Variants in PDZD2 observed in about 807,000 individuals in gnomAD.
The protein encoded by PDZD2 is PDZ domain containing 2.
Under a neutral mutation model 220.7 loss-of-function variants are expected in PDZD2, and 90 were observed. The ratio of observed to expected loss-of-function variants is 0.41; its 90% CI spans 0.34 to 0.49. The LOEUF is 0.49. Ranked by LOEUF, PDZD2 falls within the 20% of genes least tolerant of loss-of-function variation. The pLI is 0.28. For synonymous variants in PDZD2, 1,375 were observed against 1,450.5 expected (o/e 0.95, Z 1.18); for missense variants, 3,174 against 3,608.5 (o/e 0.88, Z 3.08).
Position 32,069,562 on chromosome 5 carries a change from A to G in PDZD2, c.2452-7A>G. The G allele has an allele frequency of 6.5e-7, 1 of 1,545,108 alleles. No individual in the cohort carries two copies. Among genetic ancestry groups the G allele is most frequent in the Non-Finnish European group, 9.0e-7 (1 of 1,117,206 alleles). ...CCATCTAATCTTTGCTTTCTGCTGA[A>G]AATCAGGTTTCCGAGCAGGAAATGG... On this transcript the variant is annotated splice_region_variant and splice_polypyrimidine_tract_variant and intron_variant, in intron 14 of 24. Transcript: ENST00000438447.
chr5:31,799,531 G>T lies in PDZD2; in HGVS notation c.283G>T (p.Asp95Tyr), dbSNP rs1354812807. The T allele has an allele frequency of 1.2e-6, 2 of 1,614,154 alleles. No individual in the cohort carries two copies. The highest frequency in any genetic ancestry group is 1.7e-5 in the Admixed American group (1 of 60,030). Reference sequence around the variant, plus strand: ...TTTTGGGAACATCCCTGTTTTCGGGGACTATGGTGAAAAGCGCAGGGGGGG... The same window carrying T: ...TTTTGGGAACATCCCTGTTTTCGGGTACTATGGTGAAAAGCGCAGGGGGGG... ...LSFGNIPVFG[D>Y]YGEKRRGGKK... The change falls in exon 2 of 25, where the codon GAC (aspartate) becomes TAC (tyrosine). Residue 95 changes from aspartate to tyrosine, a missense_variant. Around this residue, in one of 4 missense-constraint regions of PDZD2, gnomAD observed 632 missense variants for 708.1 expected, o/e 0.89. Coordinates refer to ENST00000438447, the MANE Select transcript of PDZD2 (RefSeq NM_178140.4).
At chr5:32,095,024 A>G (rs1458368844) in intron 21 of PDZD2, among the ~76,000 whole-genome samples, 1 of 152,258 alleles carries the variant, frequency 6.6e-6, no homozygotes, top group African/African-American at 2.4e-5. Flanking sequence ...ACCACCAGTC[A>G]AGGGGGCACA....
rs1044111741 is a variant in PDZD2 at position 31,646,322 on chromosome 5, G to A, written c.-361+6885G>A. On this transcript the variant is annotated intron_variant, in intron 1 of 24. Coordinates refer to ENST00000438447, the MANE Select transcript of PDZD2 (RefSeq NM_178140.4). This position sits in a 1 kb window ranked among gnomAD's most constrained non-coding sequence, Gnocchi z 4.7. Reference sequence around the variant, plus strand: ...GGTACAAGTTTGAACACCTAGTAATGCCCCTTACCCCTGAGGAATTCCAGG... The same window carrying A: ...GGTACAAGTTTGAACACCTAGTAATACCCCTTACCCCTGAGGAATTCCAGG... Among the ~76,000 whole-genome samples the A allele has an allele frequency of 1.3e-5, 2 of 151,988 alleles. No individual in the cohort carries two copies. The highest frequency in any genetic ancestry group is 2.4e-5 in the African/African-American group (1 of 41,358).
rs1361577032 is a variant in PDZD2, at chr5:31,929,040, A to G, written c.477-54115A>G. ...CAATGAATATTGATCCATACTTGCAATGAAATAAGTACCAGAAACAAACTG... is the reference window on the plus strand; with the variant it reads ...CAATGAATATTGATCCATACTTGCAGTGAAATAAGTACCAGAAACAAACTG... On this transcript the variant is annotated intron_variant, in intron 2 of 24. Coordinates refer to ENST00000438447, the MANE Select transcript of PDZD2 (RefSeq NM_178140.4). 2.6e-5 allele frequency among the ~76,000 whole-genome samples: 4 copies of G among 152,280 alleles called. No individual in the cohort carries two copies. In the East Asian group the frequency reaches 5.8e-4, roughly 22 times the overall value.
rs1020346142 is a variant in PDZD2 at position 31,768,289 on chromosome 5, A to G, written c.-360-30600A>G. ...CACTCCAGCCATCAGCCCAAGGGAC[A>G]GGGCGATATTCTGGATGCTGCAGTG... On this transcript the variant is annotated intron_variant, in intron 1 of 24. Coordinates refer to ENST00000438447, the MANE Select transcript of PDZD2 (RefSeq NM_178140.4). Among the ~76,000 whole-genome samples, 6 of 152,222 alleles carry G rather than the reference A, an allele frequency of 3.9e-5. No individual in the cohort carries two copies. The East Asian group carries it at 9.6e-4, about 24-fold the overall frequency.
intron 2 of PDZD2, among the ~76,000 whole-genome samples, chr5:31,889,219 A>G (rs529227108): frequency 6.6e-6 from 1 of 152,290 alleles, no homozygotes; most frequent in East Asian, 1.9e-4. Flanking sequence ...AAGTATTTAC[A>G]TTGGAGCCGT....
At chr5:31,850,243 T>TATATATATATATATATACAC (rs577432352) in intron 2 of PDZD2, among the ~76,000 whole-genome samples, 3 of 122,234 alleles carry the variant, frequency 2.5e-5, no homozygotes, top group African/African-American at 9.0e-5. Context: ...TATATATATA[T>TATATATATATATATATACAC]ACACACACAC....
chr5:31,727,701 CAAA>C (rs56763561), intron 1 of PDZD2, among the ~76,000 whole-genome samples: 25 of 90,492 alleles, frequency 2.8e-4, no homozygotes, highest in Admixed American at 1.1e-3. Flanking sequence ...AGCTCAATCT[CAAA>C]AAAAAAAAAA....
chr5:31,924,688 G>T (rs77714272), intron 2 of PDZD2, among the ~76,000 whole-genome samples: 7 of 152,180 alleles, frequency 4.6e-5, no homozygotes, highest in African/African-American at 1.7e-4. Flanking sequence ...GTCTTGAGAC[G>T]TAGCCAATCT....
intron 21 of PDZD2, among the ~76,000 whole-genome samples, chr5:32,093,995 C>A: frequency 6.6e-6 from 1 of 150,726 alleles, no homozygotes; most frequent in East Asian, 1.9e-4. Context: ...AAAAAAAAGT[C>A]ATAAGAGAAA....
chr5:31,811,594 T>C (rs76633747), intron 2 of PDZD2, among the ~76,000 whole-genome samples: 18,215 of 152,234 alleles, frequency 0.12, 1,309 homozygotes, highest in Non-Finnish European at 0.17. Context: ...GGCTGGGATT[T>C]ATTAAGAAAT....
intron 4 of PDZD2, among the ~76,000 whole-genome samples, chr5:31,996,910 T>A (rs1167509217): frequency 6.6e-6 from 1 of 152,110 alleles, no homozygotes; most frequent in Non-Finnish European, 1.5e-5. Flanking sequence ...AACTTATTTT[T>A]TAATCTGAAC....
At chr5:31,877,525 G>A (rs997987312) in intron 2 of PDZD2, among the ~76,000 whole-genome samples, 4 of 151,962 alleles carry the variant, frequency 2.6e-5, no homozygotes, top group African/African-American at 9.7e-5. Context: ...GGCCCAGAAA[G>A]TCAGTCTTTT....
At chr5:31,690,617 G>A (rs1306551348) in intron 1 of PDZD2, among the ~76,000 whole-genome samples, 3 of 152,030 alleles carry the variant, frequency 2.0e-5, no homozygotes, top group Non-Finnish European at 1.5e-5. Context: ...CTGCCTCTGC[G>A]GCCATGTTGC....
chr5:31,880,974 G>A (rs1580979155), intron 2 of PDZD2, among the ~76,000 whole-genome samples: 1 of 151,342 alleles, frequency 6.6e-6, no homozygotes, highest in East Asian at 2.0e-4. Context: ...GCTAATTTCT[G>A]TATTTTTAGT....
chr5:31,865,908 G>A (rs1343295237), intron 2 of PDZD2, among the ~76,000 whole-genome samples: 1 of 151,362 alleles, frequency 6.6e-6, no homozygotes, highest in Non-Finnish European at 1.5e-5. Context: ...TGGGATTACA[G>A]GCGTGAGCCA....
intron 2 of PDZD2, among the ~76,000 whole-genome samples, chr5:31,978,748 C>A (rs993022228): frequency 1.3e-5 from 2 of 149,348 alleles, no homozygotes; most frequent in African/African-American, 2.5e-5. Flanking sequence ...GAAAATACCC[C>A]CTATTTAAAG....
intron 1 of PDZD2, among the ~76,000 whole-genome samples, chr5:31,791,243 T>A (rs1753706450): frequency 6.6e-6 from 1 of 152,144 alleles, no homozygotes; most frequent in Non-Finnish European, 1.5e-5. Flanking sequence ...GATAGTTCTC[T>A]TTATCTCTGA....
intron 1 of PDZD2, among the ~76,000 whole-genome samples, chr5:31,701,339 T>C (rs895394182): frequency 6.6e-6 from 1 of 152,120 alleles, no homozygotes. Flanking sequence ...CGGGCTTCCA[T>C]GCGTGTGCCA....
Sources: gnomAD v4.1 joint callset for allele counts (sites outside exome capture counted in the v4.1 genomes callset) on GRCh38, gnomAD v4.1.1 for gene constraint, gnomAD v4.1.1 regional missense constraint, Gnocchi (gnomAD v3.1) non-coding constraint, MANE v1.5 for transcripts, NCBI Gene and HGNC (gene_info 2026-07-23, HGNC 2026-07-21) for gene names.